NOP53: variants seen among roughly 807,000 people sequenced by gnomAD.
NOP53 encodes the protein ribosome biogenesis protein NOP53.
A neutral mutation model predicts 61.0 loss-of-function variants in NOP53; 40 were observed. The observed-to-expected ratio is 0.66, with a 90% CI of 0.51 to 0.85. The LOEUF (loss-of-function observed/expected upper bound fraction) is 0.85, where lower values mean the gene tolerates loss of function less well. NOP53 is among the 40% of genes least tolerant of loss of function. The pLI is 0.00. For synonymous variants in NOP53, 308 were observed against 289.5 expected (o/e 1.06, Z -0.65); for missense variants, 689 against 652.9 (o/e 1.06, Z -0.60).
chr19:47,756,186 C>T (rs557450193), intron 10 of NOP53: 15 of 518,540 alleles, frequency 2.9e-5, no homozygotes, highest in South Asian at 1.5e-4. Flanking sequence ...GTCAGCCACA[C>T]GCCTGGGCCG....
Position 47,752,521 on chromosome 19 carries a change from C to A in NOP53, c.679C>A (p.Arg227Ser), listed in dbSNP as rs139256610. The change falls in exon 6 of 13, where the codon CGC (arginine) becomes AGC (serine). Residue 227 changes from arginine (R) to serine (S), a missense_variant. By Grantham distance (110) the Arg-to-Ser change is moderately radical. Coordinates refer to ENST00000246802, the MANE Select transcript of NOP53 (RefSeq NM_015710.5). ...GGCCTTTTCTCCACAGCGGCCAGCA[C>A]GCCTGCACACCAAGCCGTCCCAGGC... The part of the protein sequence containing the change: ...TKKKGVKRPA[R>S]LHTKPSQAPA... The A allele has an allele frequency of 6.2e-7, 1 of 1,601,754 alleles. No individual in the cohort carries two copies. The highest frequency in any genetic ancestry group is 8.5e-7 in the Non-Finnish European group (1 of 1,174,080).
intron 10 of NOP53, 121 bp downstream of exon 10, chr19:47,755,943 A>G (rs55813323): frequency 0.023 from 17,351 of 761,392 alleles, 313 homozygotes; most frequent in South Asian, 0.045. Context: ...AGTGGGGCCA[A>G]TGCCCAGGGG....
chr19:47,752,707 C>T (rs1016244224), intron 6 of NOP53, 100 bp downstream of exon 6: 6 of 770,578 alleles, frequency 7.8e-6, no homozygotes, highest in Non-Finnish European at 1.1e-5. Flanking sequence ...ATGACCCAGA[C>T]AGCCCTGGGC....
At chr19:47,748,267 C>T (rs886187206) in intron 2 of NOP53, among the ~76,000 whole-genome samples, 43 of 151,828 alleles carry the variant, frequency 2.8e-4, no homozygotes, top group East Asian at 1.9e-4. Context: ...CTTTAGTGAG[C>T]GGGTAACACA....
At chr19:47,747,858 G>A (rs573237901) in intron 2 of NOP53, among the ~76,000 whole-genome samples, 23 of 107,182 alleles carry the variant, frequency 2.1e-4, no homozygotes, top group African/African-American at 7.8e-4. Flanking sequence ...TCAGCTCACC[G>A]CAACCTCCAC....
chr19:47,751,234 C>A, intron 4 of NOP53, 127 bp downstream of exon 4: 1 of 886,700 alleles, frequency 1.1e-6, no homozygotes, highest in Non-Finnish European at 1.8e-6. Flanking sequence ...GACCTCCCAG[C>A]AGAGTCGTGC....
intron 2 of NOP53, among the ~76,000 whole-genome samples, chr19:47,749,763 CT>C (rs1432827957): frequency 6.6e-6 from 1 of 151,474 alleles, no homozygotes; most frequent in African/African-American, 2.4e-5. Context: ...TTTTTTCCCC[CT>C]GAGATGAGAT....
At chr19:47,756,641 T>C in intron 11 of NOP53, 37 bp downstream of exon 11, 1 of 1,612,896 alleles carries the variant, frequency 6.2e-7, no homozygotes, top group Non-Finnish European at 8.5e-7. Context: ...GGCGAGGGCA[T>C]CTGGGATTGG....
At position 47,755,385 on chromosome 19, in the gene NOP53, G is replaced by T. The variant is rs779018964; in HGVS notation, c.1091G>T (p.Arg364Leu). 3.3e-6 allele frequency: 5 copies of T among 1,525,746 alleles called. No homozygotes were observed. Among genetic ancestry groups the T allele is most frequent in the Admixed American group, 2.1e-5 (1 of 48,448 alleles). 94.5% of individuals were successfully genotyped at this position (1,525,746 alleles called of 1,614,324 possible). The change falls in exon 9 of 13, where the codon CGG (arginine) becomes CTG (leucine). Residue 364 changes from arginine (R) to leucine (L), a missense_variant. Arg to Leu is a moderately radical substitution (Grantham distance 102). Transcript: ENST00000246802. Reference protein sequence around the residue: ...QQAALRAARLRHQELFRLRGI... With the variant: ...QQAALRAARLLHQELFRLRGI... ...GCCGCGTTGCGGGCCGCCCGGCTCC[G>T]GCACCAGGAGCTGTTCCGGCTGCGC...
At chr19:47,756,003 A>G in intron 10 of NOP53, 181 bp downstream of exon 10, 1 of 599,736 alleles carries the variant, frequency 1.7e-6, no homozygotes, top group South Asian at 2.0e-5. Context: ...GGGCCAGGCT[A>G]AGGTTTGAGT....
In NOP53 at chr19:47,745,720, A is replaced by G. The variant is rs373099551; in HGVS notation, c.161A>G (p.Glu54Gly). 6.2e-7 allele frequency: 1 copy of G among 1,610,644 alleles called. No individual in the cohort carries two copies. Among genetic ancestry groups the G allele is most frequent in the Non-Finnish European group, 8.5e-7 (1 of 1,178,548 alleles). Reference protein sequence around the residue: ...KKRGWRRLAQEPLGLEVDQFL... With the variant: ...KKRGWRRLAQGPLGLEVDQFL... ...CGGGGCTGGCGGCGGCTTGCTCAGG[A>G]GCCGCTGGGGCTGGAGGTTGACCAG... is the stretch of plus-strand genomic sequence containing the variant. The change falls in exon 1 of 13, where the codon GAG becomes GGG. Residue 54 changes from glutamate (E) to glycine (G), a missense_variant. Physicochemically the swap from Glu to Gly is moderately conservative, Grantham distance 98. Transcript: ENST00000246802.
chr19:47,755,413 G>A lies in NOP53; in HGVS notation c.1119G>A (p.Gly373=). The part of the protein sequence containing the change: ...LRHQELFRLR[G]IKAQVALRLA... ...ACCAGGAGCTGTTCCGGCTGCGCGG[G>A]ATCAAGGCCCAGGTGGCCCTGAGGC... The change falls in exon 9 of 13, where the codon GGG becomes GGA. Residue 373 remains glycine, a synonymous_variant. Coordinates refer to ENST00000246802, the MANE Select transcript of NOP53 (RefSeq NM_015710.5). The A allele has an allele frequency of 6.5e-7, 1 of 1,534,180 alleles. No individual in the cohort carries two copies. Among genetic ancestry groups the A allele is most frequent in the East Asian group, 2.5e-5 (1 of 39,862 alleles).
intron 4 of NOP53, chr19:47,751,311 G>A: frequency 3.1e-6 from 2 of 648,706 alleles, no homozygotes; most frequent in Non-Finnish European, 5.3e-6. Context: ...TTCAGGAAAG[G>A]AAGCCTTCAG....
intron 10 of NOP53, 21 bp from the exon 11 acceptor site, chr19:47,756,507 G>T (rs1319201400): frequency 1.9e-6 from 3 of 1,607,788 alleles, no homozygotes; most frequent in African/African-American, 1.3e-5. Context: ...CCCTGCTGAG[G>T]CCTCCCTCTC....
intron 5 of NOP53, among the ~76,000 whole-genome samples, chr19:47,751,839 C>T (rs766752776): frequency 6.6e-6 from 1 of 152,166 alleles, no homozygotes; most frequent in Non-Finnish European, 1.5e-5. Context: ...TGGTGGCTCA[C>T]GCCTGTAATC....
In NOP53 at chr19:47,745,549, C is replaced by T. The variant is rs567146666; in HGVS notation, c.-11C>T. 94 of 1,612,428 alleles carry T rather than the reference C, an allele frequency of 5.8e-5. No homozygotes were observed. The highest frequency in any genetic ancestry group is 4.8e-4 in the Admixed American group (29 of 59,986). On this transcript the variant is annotated 5_prime_UTR_variant, in exon 1 of 13. Transcript: ENST00000246802. Reference sequence around the variant, plus strand: ...TTGGGACGCCAGTGGCTGAGTTCTTCCTTTGACAAGATGGCGGCAGGAGGC... The same window carrying T: ...TTGGGACGCCAGTGGCTGAGTTCTTTCTTTGACAAGATGGCGGCAGGAGGC...
chr19:47,755,718 C>G, intron 9 of NOP53, 38 bp from the exon 10 acceptor site: 1 of 1,565,194 alleles, frequency 6.4e-7, no homozygotes, highest in Non-Finnish European at 8.7e-7. Context: ...CTGGGCCCCG[C>G]GGGGGTGATA....
intron 4 of NOP53, 79 bp downstream of exon 4, chr19:47,751,186 G>A: frequency 5.3e-6 from 7 of 1,320,380 alleles, no homozygotes; most frequent in Non-Finnish European, 7.4e-6. Flanking sequence ...CTGCACGAGA[G>A]TACAGTGTGA....
chr19:47,752,703 C>A, intron 6 of NOP53, 96 bp downstream of exon 6: 1 of 799,656 alleles, frequency 1.3e-6, no homozygotes, highest in South Asian at 1.4e-5. Context: ...TCCAATGACC[C>A]AGACAGCCCT....
Sources: gnomAD v4.1 joint callset for allele counts (sites outside exome capture counted in the v4.1 genomes callset) on GRCh38, gnomAD v4.1.1 for gene constraint, MANE v1.5 for transcripts, NCBI Gene and HGNC (gene_info 2026-07-23, HGNC 2026-07-21) for gene names.